Variants in MAML2 observed in about 807,000 individuals in gnomAD.
MAML2 encodes mastermind-like protein 2.
Under a neutral mutation model 96.1 loss-of-function variants are expected in MAML2, and 22 were observed. That is an observed-to-expected ratio of 0.23 (90% CI 0.16 to 0.33). The LOEUF is 0.33. MAML2 is among the 10% of genes least tolerant of loss of function. MAML2 has a pLI of 1.00. For missense variants in MAML2, 1,367 were observed against 1,392.4 expected (o/e 0.98, Z 0.29); for synonymous variants, 561 against 521.3 (o/e 1.08, Z -1.04).
intron 1 of MAML2, among the ~76,000 whole-genome samples, chr11:96,212,717 C>A (rs575710230): frequency 6.6e-6 from 1 of 152,084 alleles, no homozygotes; most frequent in East Asian, 1.9e-4. Context: ...AGGAACAAGA[C>A]GTTTAGATAA....
rs537127385 is a variant in MAML2 at position 96,139,599 on chromosome 11, C to A, written c.514-46082G>T. 2.7e-5 allele frequency among the ~76,000 whole-genome samples: 4 copies of A among 148,176 alleles called. No individual in the cohort carries two copies. The East Asian group carries it at 7.9e-4, about 29-fold the overall frequency. ...AAGAAATCCCCAACCATGTTAAATTCTTTACCAAGAATCACAATAATTTTT... is the reference window on the plus strand; with the variant it reads ...AAGAAATCCCCAACCATGTTAAATTATTTACCAAGAATCACAATAATTTTT... On this transcript the variant is annotated intron_variant, in intron 1 of 4. Transcript: ENST00000524717.
At chr11:96,260,659 ATAT>A (rs1434954683) in intron 1 of MAML2, among the ~76,000 whole-genome samples, 3 of 152,154 alleles carry the variant, frequency 2.0e-5, no homozygotes, top group African/African-American at 7.2e-5. Flanking sequence ...CTGAGCAGTG[ATAT>A]TATTTGAGTC....
intron 1 of MAML2, among the ~76,000 whole-genome samples, chr11:96,137,139 G>A (rs554179729): frequency 4.6e-5 from 7 of 152,140 alleles, no homozygotes; most frequent in Admixed American, 2.0e-4. Flanking sequence ...AGTGGAAACC[G>A]GGTTAAAAGG....
intron 1 of MAML2, among the ~76,000 whole-genome samples, chr11:96,322,299 T>A (rs1243251231): frequency 1.3e-5 from 2 of 151,908 alleles, no homozygotes; most frequent in Non-Finnish European, 2.9e-5. Context: ...TGGTAAGAGG[T>A]CACTTAAAAA....
chr11:96,252,425 C>CTT (rs35604635), intron 1 of MAML2, among the ~76,000 whole-genome samples: 21,499 of 122,378 alleles, frequency 0.18, 2,799 homozygotes, highest in South Asian at 0.41. Context: ...TTGACTAACT[C>CTT]TTTTTTTTTT....
intron 2 of MAML2, among the ~76,000 whole-genome samples, chr11:96,009,359 C>T (rs1858233130): frequency 6.6e-6 from 1 of 152,146 alleles, no homozygotes; most frequent in South Asian, 2.1e-4. Flanking sequence ...TTCAAACACC[C>T]TACTATTGCT....
intron 1 of MAML2, among the ~76,000 whole-genome samples, chr11:96,260,191 A>C (rs1281613183): frequency 1.4e-5 from 2 of 146,222 alleles, no homozygotes; most frequent in African/African-American, 5.0e-5. Flanking sequence ...GTGTTGGGGG[A>C]TGGGGTGGGG....
chr11:96,307,235 G>A (rs1398014609), intron 1 of MAML2, among the ~76,000 whole-genome samples: 1 of 152,188 alleles, frequency 6.6e-6, no homozygotes, highest in African/African-American at 2.4e-5. Flanking sequence ...CAGCCTCTTA[G>A]AACTGTGCTC....
intron 2 of MAML2, among the ~76,000 whole-genome samples, chr11:96,070,703 G>A (rs761403979): frequency 3.3e-5 from 5 of 152,258 alleles, no homozygotes; most frequent in Non-Finnish European, 4.4e-5. Context: ...GATCCAGGTC[G>A]GTAGTGTGAG....
intron 2 of MAML2, among the ~76,000 whole-genome samples, chr11:95,993,382 A>T (rs1857943672): frequency 2.0e-5 from 3 of 152,162 alleles, no homozygotes; most frequent in African/African-American, 7.2e-5. Flanking sequence ...AGCCTGGCCA[A>T]CATGGTTAAA....
At chr11:96,024,757 G>C (rs112596562) in intron 2 of MAML2, among the ~76,000 whole-genome samples, 4,018 of 152,138 alleles carry the variant, frequency 0.026, 90 homozygotes, top group Middle Eastern at 0.085. Context: ...GTACTTTCAC[G>C]CCCTGGCAAC....
chr11:96,085,050 C>T (rs934236515), intron 2 of MAML2, among the ~76,000 whole-genome samples: 16 of 152,222 alleles, frequency 1.1e-4, no homozygotes, highest in African/African-American at 3.6e-4. Flanking sequence ...TTATGTTCAA[C>T]TTAATTTATT....
chr11:96,279,353 C>T (rs544565351), intron 1 of MAML2, among the ~76,000 whole-genome samples: 1 of 152,334 alleles, frequency 6.6e-6, no homozygotes, highest in Non-Finnish European at 1.5e-5. Flanking sequence ...TTAGGGGTGT[C>T]TTCCCATTGC....
chr11:96,148,125 T>C (rs1398230734), intron 1 of MAML2, among the ~76,000 whole-genome samples: 1 of 152,210 alleles, frequency 6.6e-6, no homozygotes, highest in Non-Finnish European at 1.5e-5. Context: ...TCGGGACATG[T>C]TAAAAGGAAC....
At position 96,092,835 on chromosome 11, in the gene MAML2, G is replaced by T; in HGVS notation, c.1196C>A (p.Ser399Tyr). ...GACTGAAGGGATTGGAGACGAAGTG[G>T]AGAGGGCAGAGTTGGCCATGGAGAA... ...PAFSMANSAL[S>Y]TSSPIPSVPQ... Residue 399 changes from serine to tyrosine, a missense_variant, in exon 2 of 5, where the codon TCC becomes TAC. Transcript: ENST00000524717. This position sits in a 1 kb window ranked among gnomAD's most constrained non-coding sequence, Gnocchi z 4.1. 6.2e-7 allele frequency: 1 copy of T among 1,608,708 alleles called. No homozygotes were observed. Among genetic ancestry groups the T allele is most frequent in the Non-Finnish European group, 8.5e-7 (1 of 1,176,792 alleles).
chr11:96,006,612 G>T (rs1231229041), intron 2 of MAML2, among the ~76,000 whole-genome samples: 1 of 149,522 alleles, frequency 6.7e-6, no homozygotes, highest in African/African-American at 2.5e-5. Flanking sequence ...AGGCTGGAGT[G>T]CAGTGGCATG....
At chr11:96,094,778 A>G (rs1337648297) in intron 1 of MAML2, among the ~76,000 whole-genome samples, 3 of 152,198 alleles carry the variant, frequency 2.0e-5, no homozygotes, top group East Asian at 3.8e-4. Context: ...AAATTATTCA[A>G]TGTTTTCTCA....
chr11:96,054,495 T>G (rs1859032727), intron 2 of MAML2, among the ~76,000 whole-genome samples: 1 of 152,198 alleles, frequency 6.6e-6, no homozygotes, highest in Admixed American at 6.5e-5. Context: ...AAGGAGGGGT[T>G]CCTTTATCCA....
chr11:96,134,614 C>T (rs560537170), intron 1 of MAML2, among the ~76,000 whole-genome samples: 5 of 152,196 alleles, frequency 3.3e-5, no homozygotes, highest in Non-Finnish European at 7.3e-5. Context: ...TTCTTTCCTT[C>T]AAATTCTATT....
Sources: allele counts gnomAD v4.1 joint callset (sites outside exome capture counted in the v4.1 genomes callset), GRCh38; gene constraint gnomAD v4.1.1; non-coding constraint Gnocchi (gnomAD v3.1); transcripts MANE v1.5; gene names NCBI Gene and HGNC (gene_info 2026-07-23, HGNC 2026-07-21).